The following EBNA1BP2 variants were observed in gnomAD, a reference collection of about 807,000 sequenced individuals.
EBNA1BP2 encodes probable rRNA-processing protein EBP2.
Under a neutral mutation model 43.5 loss-of-function variants are expected in EBNA1BP2, and 36 were observed. The observed-to-expected ratio is 0.83, with a 90% CI of 0.63 to 1.09. EBNA1BP2 has a LOEUF of 1.09. Ranked by LOEUF, EBNA1BP2 falls within the 50% of genes least tolerant of loss-of-function variation. EBNA1BP2 has a pLI of 0.00. For synonymous variants in EBNA1BP2, 127 were observed against 141.3 expected (o/e 0.90, Z 0.72); for missense variants, 332 against 379.1 (o/e 0.88, Z 1.03).
chr1:43,165,907 C>G (rs909323558), intron 7 of EBNA1BP2, among the ~76,000 whole-genome samples: 3 of 152,168 alleles, frequency 2.0e-5, no homozygotes, highest in Non-Finnish European at 4.4e-5. Context: ...AAGCAATGCT[C>G]AAGTCGAACG....
At chr1:43,170,465 T>C (rs1348047379) in intron 4 of EBNA1BP2, among the ~76,000 whole-genome samples, 1 of 152,238 alleles carries the variant, frequency 6.6e-6, no homozygotes, top group Non-Finnish European at 1.5e-5. Context: ...GCACACCATG[T>C]CATGACCATG....
At chr1:43,171,247 A>G in intron 3 of EBNA1BP2, 1 of 549,186 alleles carries the variant, frequency 1.8e-6, no homozygotes, top group Non-Finnish European at 3.0e-6. Flanking sequence ...GCATGCACAA[A>G]AAGTTTTAAC....
At chr1:43,166,748 CTA>C (rs1292560615) in intron 7 of EBNA1BP2, 76 bp downstream of exon 7, 1 of 1,421,674 alleles carries the variant, frequency 7.0e-7, no homozygotes, top group African/African-American at 1.4e-5. Flanking sequence ...GGTGGAGGTG[CTA>C]TGTCTGCCAT....
chr1:43,167,200 C>T lies in EBNA1BP2; in HGVS notation c.573G>A (p.Glu191=), dbSNP rs1644924986. ...TAATAGCATTCATCATATGGGCTTT[C>T]TCCTGCTGCCTCTTCTGAAGAACCT... ...QTEVLQKRQQ[E]KAHMMNAIKK... Residue 191 remains glutamate (E), a synonymous_variant, in exon 6 of 9, where the codon GAG becomes GAA. Transcript: ENST00000236051. 1 of 1,614,166 alleles carries T rather than the reference C, an allele frequency of 6.2e-7. No homozygotes were observed. The highest frequency in any genetic ancestry group is 8.5e-7 in the Non-Finnish European group (1 of 1,180,032).
intron 6 of EBNA1BP2, 73 bp downstream of exon 6, chr1:43,167,087 T>G: frequency 6.4e-7 from 1 of 1,550,572 alleles, no homozygotes; most frequent in Non-Finnish European, 8.9e-7. Context: ...CCAAGAAGGC[T>G]CCAAAGCACT....
At chr1:43,166,265 G>A (rs1369682849) in intron 7 of EBNA1BP2, among the ~76,000 whole-genome samples, 1 of 152,130 alleles carries the variant, frequency 6.6e-6, no homozygotes, top group African/African-American at 2.4e-5. Flanking sequence ...ACTGTGTGAT[G>A]GGGAATCAAC....
At chr1:43,170,229 G>C (rs949961128) in intron 4 of EBNA1BP2, among the ~76,000 whole-genome samples, 3 of 152,170 alleles carry the variant, frequency 2.0e-5, no homozygotes. Context: ...CACAGATGCT[G>C]AACCCATGGC....
intron 8 of EBNA1BP2, 44 bp downstream of exon 8, chr1:43,164,599 G>C (rs1478938610): frequency 1.9e-6 from 3 of 1,613,792 alleles, no homozygotes; most frequent in Non-Finnish European, 2.5e-6. Context: ...GAGTGGGAGG[G>C]GAGGCTGAGC....
chr1:43,168,889 T>C, intron 5 of EBNA1BP2, 50 bp downstream of exon 5: 1 of 1,588,670 alleles, frequency 6.3e-7, no homozygotes, highest in Non-Finnish European at 8.6e-7. Flanking sequence ...GGCAATCTCA[T>C]CTAACACACA....
chr1:43,167,842 C>G (rs1190274125), intron 5 of EBNA1BP2, among the ~76,000 whole-genome samples: 1 of 152,036 alleles, frequency 6.6e-6, no homozygotes, highest in East Asian at 1.9e-4. Flanking sequence ...GGGGCCTGTC[C>G]TACACTGTAG....
Position 43,172,178 on chromosome 1 carries a change from G to A in EBNA1BP2, c.-60C>T, listed in dbSNP as rs750899772. On this transcript the variant is annotated 5_prime_UTR_variant, in exon 1 of 9. Coordinates refer to ENST00000236051, the MANE Select transcript of EBNA1BP2 (RefSeq NM_006824.3). ...AACGGGGTATCCCGAGACCCAAGCG[G>A]CTAGCAGAGGGCGGCCCTGGCCGCT... The A allele has an allele frequency of 3.1e-5, 50 of 1,610,046 alleles. No individual in the cohort carries two copies. The highest frequency in any genetic ancestry group is 4.0e-5 in the Non-Finnish European group (47 of 1,178,116).
chr1:43,170,100 T>C (rs1045130696), intron 4 of EBNA1BP2, among the ~76,000 whole-genome samples: 1 of 152,234 alleles, frequency 6.6e-6, no homozygotes, highest in African/African-American at 2.4e-5. Context: ...TACAATGCTA[T>C]GCATCACCTC....
chr1:43,171,807 A>G, intron 2 of EBNA1BP2, 79 bp downstream of exon 2: 7 of 1,585,134 alleles, frequency 4.4e-6, no homozygotes, highest in Non-Finnish European at 6.0e-6. Context: ...TTCCTGGGAC[A>G]AGAATCGGTC....
chr1:43,166,798 A>G (rs1352841561), intron 7 of EBNA1BP2, 28 bp downstream of exon 7: 47 of 1,595,208 alleles, frequency 2.9e-5, no homozygotes, highest in Non-Finnish European at 3.7e-5. Flanking sequence ...TCACAGAACC[A>G]AAGAAACCAT....
Position 43,167,051 on chromosome 1 carries a change from A to G in EBNA1BP2, c.613+109T>C, listed in dbSNP as rs1038034090. ...CCTGCTCTCCAACACCATTCCCAAA[A>G]CTTTGATCCGACAGGTCCACATCAA... On this transcript the variant is annotated intron_variant, in intron 6 of 8. Coordinates refer to ENST00000236051, the MANE Select transcript of EBNA1BP2 (RefSeq NM_006824.3). 3 of 1,495,008 alleles carry G rather than the reference A, an allele frequency of 2.0e-6. No homozygotes were observed. In the African/African-American group the frequency reaches 4.2e-5, roughly 21 times the overall value. The allele number at this position is 1,495,008 out of a possible 1,614,324, so 92.6% of individuals were successfully genotyped here. A position where few individuals can be genotyped will look rare whatever the true frequency, so the allele number is the denominator to read the frequency against.
intron 6 of EBNA1BP2, 115 bp from the exon 7 acceptor site, chr1:43,167,034 C>T (rs1369735824): frequency 1.3e-6 from 2 of 1,482,692 alleles, no homozygotes; most frequent in Non-Finnish European, 1.9e-6. Context: ...ATCCTGCTCT[C>T]CAACACCATT....
In EBNA1BP2 at chr1:43,169,020, C is replaced by T. The variant is rs755312062; in HGVS notation, c.456G>A (p.Gln152=). Residue 152 remains glutamine (Q), a synonymous_variant, in exon 5 of 9, where the codon CAG becomes CAA. Coordinates refer to ENST00000236051, the MANE Select transcript of EBNA1BP2 (RefSeq NM_006824.3). The stretch of plus-strand genomic sequence containing the variant: ...TGGCAGCCTGTTTAGTCTGCAGCTT[C>T]TGTCGAATCTACAACACAAAATGCT... ...KSDLQMQKIR[Q]KLQTKQAAME... The T allele has an allele frequency of 6.2e-7, 1 of 1,614,094 alleles. No homozygotes were observed. The highest frequency in any genetic ancestry group is 8.5e-7 in the Non-Finnish European group (1 of 1,180,016).
At chr1:43,168,038 G>A (rs1404927530) in intron 5 of EBNA1BP2, among the ~76,000 whole-genome samples, 1 of 152,222 alleles carries the variant, frequency 6.6e-6, no homozygotes, top group African/African-American at 2.4e-5. Flanking sequence ...AGGCCCAAGT[G>A]AGTTTGTCTT....
chr1:43,172,378 T>C, upstream of EBNA1BP2: 1 of 1,551,474 alleles, frequency 6.4e-7, no homozygotes, highest in South Asian at 1.2e-5. Context: ...TTTGAAAGTG[T>C]CCGGGTTGCT....
Sources: allele counts gnomAD v4.1 joint callset (sites outside exome capture counted in the v4.1 genomes callset), GRCh38; gene constraint gnomAD v4.1.1; transcripts MANE v1.5; gene names NCBI Gene and HGNC (gene_info 2026-07-23, HGNC 2026-07-21).